PTPRG: variants seen among roughly 807,000 people sequenced by gnomAD.
The protein encoded by PTPRG is receptor-type tyrosine-protein phosphatase gamma.
Under a neutral mutation model 165.3 loss-of-function variants are expected in PTPRG, and 102 were observed. The observed-to-expected ratio is 0.62, with a 90% CI of 0.53 to 0.73. PTPRG has a LOEUF of 0.73. PTPRG is among the 30% of genes least tolerant of loss of function. The pLI, the probability that PTPRG is intolerant of heterozygous loss-of-function variation, is 0.00. For synonymous variants in PTPRG, 675 were observed against 669.5 expected, an observed-to-expected ratio of 1.01 and a Z score of -0.13; for missense variants, 1,866 against 1,861.4, an observed-to-expected ratio of 1.00 and a Z score of -0.05.
At chr3:61,763,244 G>GT (rs548286039) in intron 2 of PTPRG, among the ~76,000 whole-genome samples, 200 of 146,398 alleles carry the variant, frequency 1.4e-3, no homozygotes, top group African/African-American at 2.6e-3. Flanking sequence ...ATTTTCAGGT[G>GT]TTTTTTTTTT....
intron 2 of PTPRG, among the ~76,000 whole-genome samples, chr3:61,753,160 G>C (rs1224612465): frequency 6.6e-6 from 1 of 152,114 alleles, no homozygotes; most frequent in Non-Finnish European, 1.5e-5. Context: ...CATAATATCT[G>C]ATTTTGACAT....
At position 62,222,874 on chromosome 3, in the gene PTPRG, A is replaced by G. The variant is rs1254904548; in HGVS notation, c.2288+3891A>G. ...CCTCACAGTCCATTGGAAGAGGCAG[A>G]TGAGTAAATAGAATTGAGTATGGGG... On this transcript the variant is annotated intron_variant, in intron 13 of 29. Transcript: ENST00000474889. This position sits in a 1 kb window ranked among gnomAD's most constrained non-coding sequence, Gnocchi z 4.5. Among the ~76,000 whole-genome samples the G allele has an allele frequency of 1.3e-5, 2 of 152,126 alleles. No individual in the cohort carries two copies. The highest frequency in any genetic ancestry group is 2.9e-5 in the Non-Finnish European group (2 of 68,026).
intron 26 of PTPRG, among the ~76,000 whole-genome samples, chr3:62,278,273 A>T (rs1168149226): frequency 6.6e-6 from 1 of 150,998 alleles, no homozygotes; most frequent in East Asian, 1.9e-4. Flanking sequence ...CAAAAGTACT[A>T]ATAGTGAATT....
At chr3:61,779,077 CACG>C (rs1216235968) in intron 2 of PTPRG, among the ~76,000 whole-genome samples, 3 of 152,154 alleles carry the variant, frequency 2.0e-5, no homozygotes, top group Non-Finnish European at 4.4e-5. Flanking sequence ...GACACACACA[CACG>C]TTCTAAGGGA....
chr3:62,051,704 A>T (rs1416741570), intron 4 of PTPRG, among the ~76,000 whole-genome samples: 1 of 152,168 alleles, frequency 6.6e-6, no homozygotes, highest in Middle Eastern at 3.2e-3. Flanking sequence ...GGCTCAGAGA[A>T]AGGTTTTAGA....
At chr3:61,581,683 C>T (rs1157301530) in intron 1 of PTPRG, among the ~76,000 whole-genome samples, 2 of 150,828 alleles carry the variant, frequency 1.3e-5, no homozygotes, top group African/African-American at 4.9e-5. Flanking sequence ...AATCTCGGCT[C>T]CCTGCAACCT....
intron 2 of PTPRG, among the ~76,000 whole-genome samples, chr3:61,983,184 C>T (rs919648888): frequency 1.1e-4 from 16 of 151,982 alleles, no homozygotes; most frequent in African/African-American, 3.9e-4. Context: ...TACACACAAA[C>T]AATAAATGCA....
rs911999543 is a variant in PTPRG at position 61,660,040 on chromosome 3, C to T, written c.86-88838C>T. ...AGGAGATAGAGACCATCCTGGCCAA[C>T]ATGGTGAAACCCTGTCTCTACTAAA... On this transcript the variant is annotated intron_variant, in intron 1 of 29. Coordinates refer to ENST00000474889, the MANE Select transcript of PTPRG (RefSeq NM_002841.4). 9.9e-5 allele frequency among the ~76,000 whole-genome samples: 15 copies of T among 152,200 alleles called. No individual in the cohort carries two copies. The South Asian group carries it at 1.7e-3, about 17-fold the overall frequency.
At chr3:61,717,569 T>C (rs1024708720) in intron 1 of PTPRG, among the ~76,000 whole-genome samples, 3 of 152,002 alleles carry the variant, frequency 2.0e-5, no homozygotes, top group African/African-American at 7.3e-5. Context: ...AAGCGGATCA[T>C]GAGGTCAAGA....
intron 1 of PTPRG, among the ~76,000 whole-genome samples, chr3:61,649,015 T>G (rs1191247141): frequency 6.6e-6 from 1 of 152,242 alleles, no homozygotes; most frequent in Non-Finnish European, 1.5e-5. Flanking sequence ...TATGTGAGTT[T>G]ATTACCAAGG....
At chr3:62,062,014 G>T (rs1367138003) in intron 4 of PTPRG, among the ~76,000 whole-genome samples, 1 of 151,736 alleles carries the variant, frequency 6.6e-6, no homozygotes, top group Non-Finnish European at 1.5e-5. Flanking sequence ...AATTTAGTAT[G>T]GGGGGGCGGG....
intron 6 of PTPRG, among the ~76,000 whole-genome samples, chr3:62,149,475 G>A (rs745669123): frequency 5.3e-5 from 8 of 152,024 alleles, no homozygotes; most frequent in Non-Finnish European, 1.0e-4. Flanking sequence ...CGCCAAGTTG[G>A]CCAGGTGGTT....
chr3:62,212,977 A>T (rs1372034748), intron 12 of PTPRG, among the ~76,000 whole-genome samples: 7 of 152,184 alleles, frequency 4.6e-5, no homozygotes, highest in African/African-American at 1.7e-4. Flanking sequence ...TGAACCAGAG[A>T]TGGAGGTGAG....
At chr3:61,596,964 AT>A (rs1700717467) in intron 1 of PTPRG, among the ~76,000 whole-genome samples, 1 of 152,156 alleles carries the variant, frequency 6.6e-6, no homozygotes, top group African/African-American at 2.4e-5. Context: ...GTGAAGAGAA[AT>A]TTATTAGTGC....
intron 2 of PTPRG, among the ~76,000 whole-genome samples, chr3:61,790,757 T>TC (rs1407826834): frequency 2.6e-5 from 4 of 152,074 alleles, no homozygotes; most frequent in African/African-American, 9.7e-5. Flanking sequence ...TTTTTTTTTT[T>TC]TTTGGTTTGG....
chr3:62,138,383 AC>A (rs1351343335), intron 6 of PTPRG, among the ~76,000 whole-genome samples: 3 of 152,186 alleles, frequency 2.0e-5, no homozygotes, highest in Admixed American at 1.3e-4. Context: ...TTTTGCACCA[AC>A]CTATTTGCAT....
At chr3:61,976,693 G>T (rs570454524) in intron 2 of PTPRG, among the ~76,000 whole-genome samples, 7 of 151,580 alleles carry the variant, frequency 4.6e-5, no homozygotes, top group African/African-American at 1.7e-4. Context: ...ATTTTTTTTT[G>T]AGAGGGAGTC....
At chr3:61,963,870 AT>A (rs200217930) in intron 2 of PTPRG, among the ~76,000 whole-genome samples, 68 of 151,436 alleles carry the variant, frequency 4.5e-4, no homozygotes, top group Middle Eastern at 3.4e-3. Flanking sequence ...TGCAATATAT[AT>A]TTTAAAAAAA....
intron 1 of PTPRG, among the ~76,000 whole-genome samples, chr3:61,597,384 G>T (rs1014703671): frequency 1.3e-5 from 2 of 152,162 alleles, no homozygotes; most frequent in East Asian, 3.8e-4. Context: ...TAGATCCTTG[G>T]ATTTTGATCT....
Sources: allele counts gnomAD v4.1 joint callset (sites outside exome capture counted in the v4.1 genomes callset), GRCh38; gene constraint gnomAD v4.1.1; non-coding constraint Gnocchi (gnomAD v3.1); transcripts MANE v1.5; gene names NCBI Gene and HGNC (gene_info 2026-07-23, HGNC 2026-07-21).